HOPX: variants seen among roughly 807,000 people sequenced by gnomAD.
The protein encoded by HOPX is HOP homeobox, also known as homeodomain-only protein.
HOPX carries 5 observed loss-of-function variants against 11.8 expected under a neutral mutation model. The ratio of observed to expected loss-of-function variants is 0.43; its 90% confidence interval spans 0.22 to 0.89. The LOEUF (loss-of-function observed/expected upper bound fraction) is 0.89, where lower values mean the gene tolerates loss of function less well. HOPX is among the 40% of genes least tolerant of loss of function. The pLI is 0.28. For missense variants in HOPX, 119 were observed against 120.0 expected (o/e 0.99, Z 0.04); for synonymous variants, 49 against 49.7 (o/e 0.99, Z 0.06).
intron 3 of HOPX, chr4:56,650,538 G>C: frequency 1.3e-6 from 1 of 759,312 alleles, no homozygotes; most frequent in Non-Finnish European, 2.1e-6. Flanking sequence ...AGCTTGAATG[G>C]GGGTAAGGCT....
chr4:56,669,474 C>A (rs1178197397), intron 1 of HOPX, among the ~76,000 whole-genome samples: 3 of 152,054 alleles, frequency 2.0e-5, no homozygotes, highest in Admixed American at 6.6e-5. Context: ...GCCTGGCCAA[C>A]ATGGCAAAAC....
chr4:56,665,559 A>G (rs1718383932), intron 1 of HOPX: 1 of 152,178 alleles, frequency 6.6e-6, no homozygotes, highest in Admixed American at 6.5e-5. Flanking sequence ...AGTGCCCCCA[A>G]ACAACATAGA....
Position 56,678,491 on chromosome 4 carries a change from G to A in HOPX, c.-84+2764C>T, listed in dbSNP as rs1298246523. ...GACGGAGTCTTGCTCTGCCACCCAG[G>A]CAGGAGTGCAGTGGCACGATCTCCG... On this transcript the variant is annotated intron_variant, in intron 1 of 3. Transcript: ENST00000420433. Among the ~76,000 whole-genome samples, 17 of 142,458 alleles carry A rather than the reference G, an allele frequency of 1.2e-4. No homozygotes were observed. The South Asian group carries it at 2.4e-3, about 20-fold the overall frequency. 93.5% of individuals were successfully genotyped at this position (142,458 alleles called of 152,430 possible).
chr4:56,650,766 C>A, intron 3 of HOPX: 1 of 1,551,092 alleles, frequency 6.4e-7, no homozygotes, highest in Non-Finnish European at 8.7e-7. Context: ...TCTTTGGGGG[C>A]TACTTTCTGG....
upstream of HOPX, chr4:56,681,543 C>G (rs1398192997): frequency 2.0e-6 from 2 of 1,000,010 alleles, no homozygotes; most frequent in Admixed American, 1.2e-4. Context: ...CGTCCCTGAC[C>G]TCTCTCCTAG....
chr4:56,662,662 AG>A (rs903508965), intron 1 of HOPX: 3 of 152,222 alleles, frequency 2.0e-5, no homozygotes, highest in African/African-American at 7.2e-5. Flanking sequence ...TTTTTAGTAG[AG>A]ATGGAGTTTT....
At chr4:56,656,269 C>A (rs1484114472) in intron 2 of HOPX, 1 of 1,168,964 alleles carries the variant, frequency 8.6e-7, no homozygotes, top group African/African-American at 1.6e-5. Context: ...CCCGCGCCCC[C>A]CGGGACCCCT....
At chr4:56,672,861 A>C (rs1042745916) in intron 1 of HOPX, 6 of 152,214 alleles carry the variant, frequency 3.9e-5, no homozygotes, top group Non-Finnish European at 8.8e-5. Flanking sequence ...AGGGGAGATC[A>C]CTGAAGATTG....
At position 56,655,483 on chromosome 4, in the gene HOPX, G is replaced by A. The variant is rs546273704; in HGVS notation, c.198+374C>T. ...AAGGTTTCGCAGACAGACCAGAGGG[G>A]ACCGAGCCGGGAAGGCGAGACAGGG... is the stretch of plus-strand genomic sequence containing the variant. On this transcript the variant is annotated intron_variant, in intron 3 of 3. Coordinates refer to ENST00000420433, the MANE Select transcript of HOPX (RefSeq NM_032495.6). Among the ~76,000 whole-genome samples, 26 of 152,342 alleles carry A rather than the reference G, an allele frequency of 1.7e-4. 1 individual carries two copies. In the South Asian group the frequency reaches 5.4e-3, roughly 32 times the overall value.
intron 1 of HOPX, chr4:56,678,965 A>T (rs1434142138): frequency 6.6e-6 from 1 of 152,216 alleles, no homozygotes; most frequent in Non-Finnish European, 1.5e-5. Flanking sequence ...TTATTTAAAA[A>T]TTATATTGTT....
intron 1 of HOPX, among the ~76,000 whole-genome samples, chr4:56,666,473 G>T (rs1169477932): frequency 6.6e-6 from 1 of 152,172 alleles, no homozygotes; most frequent in Non-Finnish European, 1.5e-5. Flanking sequence ...TGGAGGAAAG[G>T]GTGTCTGTGA....
chr4:56,671,254 G>A (rs975542381), intron 1 of HOPX, among the ~76,000 whole-genome samples: 1 of 151,968 alleles, frequency 6.6e-6, no homozygotes, highest in Non-Finnish European at 1.5e-5. Flanking sequence ...AGAGACCTGT[G>A]TGGTGTTGCA....
chr4:56,659,564 G>A (rs1002770583), intron 1 of HOPX: 3 of 152,122 alleles, frequency 2.0e-5, no homozygotes, highest in African/African-American at 7.2e-5. Context: ...GAGAGAGAGA[G>A]AGAATTGTTC....
rs953178159 is a variant in HOPX at position 56,656,376 on chromosome 4, G to T, written c.43-364C>A. The T allele has an allele frequency of 2.0e-5, 20 of 1,015,358 alleles. No individual in the cohort carries two copies. In the South Asian group the frequency reaches 6.9e-4, roughly 35 times the overall value. 62.9% of individuals were successfully genotyped at this position (1,015,358 alleles called of 1,614,324 possible). A position where few individuals can be genotyped will look rare whatever the true frequency, so the allele number is the denominator to read the frequency against. On this transcript the variant is annotated intron_variant, in intron 2 of 3. Transcript: ENST00000420433. ...TCTAAGGAAGGAGTGAAGGAAGCGC[G>T]GGGGTGATTTTGAGAAATCCCCTTA...
At chr4:56,658,245 T>C (rs906531211) in intron 1 of HOPX, among the ~76,000 whole-genome samples, 1 of 152,266 alleles carries the variant, frequency 6.6e-6, no homozygotes, top group African/African-American at 2.4e-5. Flanking sequence ...TTTGGTTATT[T>C]AATTCCTGTT....
chr4:56,672,340 AC>A (rs1718780073), intron 1 of HOPX, among the ~76,000 whole-genome samples: 1 of 151,738 alleles, frequency 6.6e-6, no homozygotes, highest in Non-Finnish European at 1.5e-5. Context: ...GGAGTTCCAG[AC>A]CAGCCTAGGC....
In HOPX at chr4:56,655,883, C is replaced by T. The variant is rs1164676645; in HGVS notation, c.172G>A (p.Ala58Thr). The T allele has an allele frequency of 6.2e-7, 1 of 1,611,718 alleles. No individual in the cohort carries two copies. The highest frequency in any genetic ancestry group is 1.1e-5 in the South Asian group (1 of 90,452). ...TGGGTCTCCTCCTCGGAAAGGCCTG[C>T]CTCGGCCGCGATGAGGCACAGCGTG... Reference protein sequence around the residue: ...STTLCLIAAEAGLSEEETQKW... With the variant: ...STTLCLIAAETGLSEEETQKW... The change falls in exon 3 of 4, where the codon GCA becomes ACA. Residue 58 changes from alanine (A) to threonine (T), a missense_variant. By Grantham distance (58) the Ala-to-Thr change is moderately conservative (BLOSUM62 0). Transcript: ENST00000420433.
Position 56,657,936 on chromosome 4 carries a change from C to T in HOPX, c.-83-37G>A. The T allele has an allele frequency of 2.6e-6, 4 of 1,536,542 alleles. No individual in the cohort carries two copies. The African/African-American group carries it at 5.5e-5, about 21-fold the overall frequency. On this transcript the variant is annotated intron_variant, in intron 1 of 3. Transcript: ENST00000420433. ...AATCAGGAGGGCAGTAGTCATAATGCAGGCAGGAGCTCATTGCCATTTTGA... is the reference window on the plus strand; with the variant it reads ...AATCAGGAGGGCAGTAGTCATAATGTAGGCAGGAGCTCATTGCCATTTTGA...
At chr4:56,677,886 A>G (rs1719096498) in intron 1 of HOPX, among the ~76,000 whole-genome samples, 1 of 151,800 alleles carries the variant, frequency 6.6e-6, no homozygotes, top group African/African-American at 2.4e-5. Context: ...TGAAAGAACA[A>G]CTTGGCTGTC....
Sources: allele counts gnomAD v4.1 joint callset (sites outside exome capture counted in the v4.1 genomes callset), GRCh38; gene constraint gnomAD v4.1.1; transcripts MANE v1.5; gene names NCBI Gene and HGNC (gene_info 2026-07-23, HGNC 2026-07-21).